CADM2: variants seen among roughly 807,000 people sequenced by gnomAD.
CADM2 encodes cell adhesion molecule 2, also known as immunoglobulin superfamily member 4D.
CADM2 carries 12 observed loss-of-function variants against 49.8 expected under a neutral mutation model. The ratio of observed to expected loss-of-function variants is 0.24; its 90% CI spans 0.15 to 0.39. CADM2 has a LOEUF of 0.39. Ranked by LOEUF, CADM2 falls within the 10% of genes least tolerant of loss-of-function variation. The pLI, the probability that CADM2 is intolerant of heterozygous loss-of-function variation, is 1.00. For synonymous variants in CADM2, 214 were observed against 175.4 expected (o/e 1.22, Z -1.74); for missense variants, 378 against 492.3 (o/e 0.77, Z 2.20).
chr3:85,087,804 A>G (rs904120455), intron 1 of CADM2, among the ~76,000 whole-genome samples: 2 of 152,152 alleles, frequency 1.3e-5, no homozygotes, highest in African/African-American at 4.8e-5. Flanking sequence ...ACCTCCTCAT[A>G]TATTCTTACA....
intron 1 of CADM2, among the ~76,000 whole-genome samples, chr3:85,494,247 A>G (rs532264538): frequency 6.6e-6 from 1 of 152,318 alleles, no homozygotes; most frequent in Non-Finnish European, 1.5e-5. Context: ...TCCCAATTTT[A>G]AATTTCAGGG....
chr3:85,961,731 T>A, intron 8 of CADM2, 84 bp downstream of exon 8: 1 of 909,380 alleles, frequency 1.1e-6, no homozygotes, highest in Non-Finnish European at 1.6e-6. Context: ...TTAAGTGCAG[T>A]GAACAAAATT....
chr3:85,612,285 C>T (rs7618909), intron 1 of CADM2, among the ~76,000 whole-genome samples: 261 of 152,042 alleles, frequency 1.7e-3, no homozygotes, highest in African/African-American at 6.1e-3. Flanking sequence ...CATAGCCACA[C>T]TTAGCACTGT....
At chr3:85,694,265 G>A (rs898077875) in intron 1 of CADM2, among the ~76,000 whole-genome samples, 1 of 152,182 alleles carries the variant, frequency 6.6e-6, no homozygotes, top group Non-Finnish European at 1.5e-5. Context: ...TGTATTTGGA[G>A]ATAGGACCTT....
intron 1 of CADM2, among the ~76,000 whole-genome samples, chr3:85,640,239 C>A (rs1221441704): frequency 3.9e-5 from 6 of 152,160 alleles, no homozygotes; most frequent in Non-Finnish European, 8.8e-5. Context: ...CATTTCAAAT[C>A]TCGTTTGTTA....
chr3:85,232,477 G>A (rs1242286418), intron 1 of CADM2, among the ~76,000 whole-genome samples: 1 of 151,962 alleles, frequency 6.6e-6, no homozygotes, highest in African/African-American at 2.4e-5. Flanking sequence ...ACAAAGAAAA[G>A]ACAAGCCACA....
chr3:85,826,219 C>A (rs563523082), intron 3 of CADM2, among the ~76,000 whole-genome samples: 1 of 151,950 alleles, frequency 6.6e-6, no homozygotes, highest in African/African-American at 2.4e-5. Flanking sequence ...TTACTTGGAG[C>A]ATTCTGCGAT....
intron 7 of CADM2, among the ~76,000 whole-genome samples, chr3:85,959,481 A>G (rs928768381): frequency 2.6e-5 from 4 of 151,846 alleles, no homozygotes; most frequent in African/African-American, 9.7e-5. Flanking sequence ...TAAGCTGCCC[A>G]GGAGCCCACC....
At chr3:85,266,362 A>T (rs1219404580) in intron 1 of CADM2, among the ~76,000 whole-genome samples, 1 of 151,890 alleles carries the variant, frequency 6.6e-6, no homozygotes, top group Admixed American at 6.6e-5. Flanking sequence ...AGTTCAAAAT[A>T]TTTTGAGCCA....
intron 1 of CADM2, among the ~76,000 whole-genome samples, chr3:85,318,085 T>G (rs1374502159): frequency 6.7e-6 from 1 of 149,594 alleles, no homozygotes. Flanking sequence ...AGTGGGAGGA[T>G]CACTAGCCCC....
At chr3:85,977,856 A>G (rs1405412945) in intron 8 of CADM2, among the ~76,000 whole-genome samples, 1 of 151,528 alleles carries the variant, frequency 6.6e-6, no homozygotes, top group Non-Finnish European at 1.5e-5. Context: ...ATCAATATTC[A>G]AGATAAGAGA....
intron 1 of CADM2, among the ~76,000 whole-genome samples, chr3:85,688,925 A>G (rs538531397): frequency 7.9e-5 from 12 of 152,304 alleles, no homozygotes; most frequent in African/African-American, 2.6e-4. Flanking sequence ...CAAGCTTTTC[A>G]TTCCTATGTA....
intron 5 of CADM2, among the ~76,000 whole-genome samples, chr3:85,901,870 A>G (rs1716171282): frequency 6.6e-6 from 1 of 152,086 alleles, no homozygotes; most frequent in Non-Finnish European, 1.5e-5. Context: ...CCTACTGTGG[A>G]CATTTCATCT....
chr3:85,899,457 C>T (rs1172707807), intron 5 of CADM2, among the ~76,000 whole-genome samples: 1 of 151,958 alleles, frequency 6.6e-6, no homozygotes, highest in Non-Finnish European at 1.5e-5. Context: ...ATTTTCGGGT[C>T]AGTTTCCATT....
At chr3:85,088,093 A>T (rs1374691132) in intron 1 of CADM2, among the ~76,000 whole-genome samples, 1 of 152,070 alleles carries the variant, frequency 6.6e-6, no homozygotes, top group African/African-American at 2.4e-5. Flanking sequence ...TTTCTGTCTA[A>T]TCCTGAATGA....
intron 1 of CADM2, among the ~76,000 whole-genome samples, chr3:85,074,529 C>T (rs2036869799): frequency 6.6e-6 from 1 of 152,044 alleles, no homozygotes; most frequent in African/African-American, 2.4e-5. Context: ...CTTTATTTCA[C>T]TGACATATAC....
chr3:86,017,177 T>C (rs1433240261), intron 8 of CADM2, among the ~76,000 whole-genome samples: 220 of 138,760 alleles, frequency 1.6e-3, no homozygotes, highest in African/African-American at 6.2e-3. Context: ...TGTATATATA[T>C]ATATATATAT....
chr3:86,036,484 T>C (rs1735178980), intron 8 of CADM2, among the ~76,000 whole-genome samples: 1 of 152,096 alleles, frequency 6.6e-6, no homozygotes, highest in Non-Finnish European at 1.5e-5. Flanking sequence ...TAATTCCAAA[T>C]ATAGTGAAAA....
chr3:85,153,267 A>G (rs904525708), intron 1 of CADM2, among the ~76,000 whole-genome samples: 2 of 152,168 alleles, frequency 1.3e-5, no homozygotes, highest in South Asian at 2.1e-4. Context: ...GCATTGCCTC[A>G]CTCGGGAAGT....
Sources: allele counts gnomAD v4.1 joint callset (sites outside exome capture counted in the v4.1 genomes callset), GRCh38; gene constraint gnomAD v4.1.1; transcripts MANE v1.5; gene names NCBI Gene and HGNC (gene_info 2026-07-23, HGNC 2026-07-21).